The following VSIG10L2 variants were observed in gnomAD, a reference collection of about 807,000 sequenced individuals.
The protein encoded by VSIG10L2 is V-set and immunoglobulin domain-containing protein 10-like 2.
A neutral mutation model predicts 67.1 loss-of-function variants in VSIG10L2; 56 were observed. The observed-to-expected ratio is 0.83, with a 90% CI of 0.67 to 1.04. The LOEUF (loss-of-function observed/expected upper bound fraction) is 1.04. Among genes scored for constraint, VSIG10L2 ranks in the 50% least tolerant of loss-of-function variants. The probability of loss-of-function intolerance (pLI) is 0.00; values close to 1 mark genes in which losing one functional copy is unlikely to be tolerated. For synonymous variants in VSIG10L2, 360 were observed against 396.6 expected (o/e 0.91, Z 1.10); for missense variants, 843 against 932.8 (o/e 0.90, Z 1.25).
intron 4 of VSIG10L2, 22 bp from the exon 5 acceptor site, chr11:125,950,888 C>G: frequency 8.1e-7 from 1 of 1,232,756 alleles, no homozygotes; most frequent in Non-Finnish European, 1.0e-6. Context: ...CCTGCTCCAG[C>G]CTCACCCACT....
At chr11:125,947,533 C>T (rs1945313726) in intron 1 of VSIG10L2, 153 bp from the exon 2 acceptor site, 6 of 985,444 alleles carry the variant, frequency 6.1e-6, no homozygotes, top group Non-Finnish European at 7.2e-6. Flanking sequence ...GTCTCTTGCC[C>T]ACCAACTCCA....
intron 4 of VSIG10L2, 135 bp from the exon 5 acceptor site, chr11:125,950,775 T>C: frequency 1.2e-6 from 1 of 830,856 alleles, no homozygotes; most frequent in Non-Finnish European, 1.6e-6. Context: ...AGAGACTCAA[T>C]CTTTCCCCTA....
intron 4 of VSIG10L2, 101 bp from the exon 5 acceptor site, chr11:125,950,809 C>T: frequency 8.9e-7 from 1 of 1,124,386 alleles, no homozygotes; most frequent in Middle Eastern, 3.3e-4. Flanking sequence ...TGCTCCCCTA[C>T]CCACTGACAC....
rs1425763003 is a variant in VSIG10L2 at position 125,955,964 on chromosome 11, G to C, written c.*50G>C. 1.6e-6 allele frequency: 1 copy of C among 638,476 alleles called. No homozygotes were observed. Among genetic ancestry groups the C allele is most frequent in the Non-Finnish European group, 2.8e-6 (1 of 356,220 alleles). The allele number at this position is 638,476 out of a possible 1,614,324, so 39.6% of individuals were successfully genotyped here. A position where few individuals can be genotyped will look rare whatever the true frequency, so the allele number is the denominator to read the frequency against. ...GGCTTAGGGAGGGCAGGTGGGATTTGGGAAGAGCCCTTCTGTCAGACTTTG... is the reference window on the plus strand; with the variant it reads ...GGCTTAGGGAGGGCAGGTGGGATTTCGGAAGAGCCCTTCTGTCAGACTTTG... On this transcript the variant is annotated 3_prime_UTR_variant, in exon 12 of 12. Transcript: ENST00000686984.
At position 125,948,536 on chromosome 11, in the gene VSIG10L2, C is replaced by T; in HGVS notation, c.665C>T (p.Ser222Phe). ...TGGTACATGTGCAGCGCCAGCAACT[C>T]CGTGAACAGGCTGAGCAGTGACGGG... ...LGWYMCSASNSVNRLSSDGAF... is the reference protein window; with the variant it reads ...LGWYMCSASNFVNRLSSDGAF... Residue 222 changes from serine to phenylalanine, a missense_variant, in exon 3 of 12, where the codon TCC becomes TTC. Physicochemically the swap from Ser to Phe is radical, Grantham distance 155. Transcript: ENST00000686984. 1 of 1,232,238 alleles carries T rather than the reference C, an allele frequency of 8.1e-7. No homozygotes were observed. The allele number at this position is 1,232,238 out of a possible 1,614,324, so 76.3% of individuals were successfully genotyped here.
rs951656623 is a variant in VSIG10L2 at position 125,950,294 on chromosome 11, G to T, written c.985+5G>T. On this transcript the variant is annotated splice_donor_5th_base_variant and intron_variant, in intron 4 of 11. Transcript: ENST00000686984. ...CTGTCCAGCTCACCATCTACTGTGA[G>T]TGTGGGGGTCGGGTGACGCCCAGAC... The T allele has an allele frequency of 2.4e-6, 3 of 1,232,344 alleles. No individual in the cohort carries two copies. The African/African-American group carries it at 4.7e-5, about 19-fold the overall frequency. The allele number at this position is 1,232,344 out of a possible 1,614,324, so 76.3% of individuals were successfully genotyped here.
At chr11:125,948,261 C>G in intron 2 of VSIG10L2, 44 bp from the exon 3 acceptor site, 4 of 1,232,252 alleles carry the variant, frequency 3.2e-6, no homozygotes, top group Non-Finnish European at 4.0e-6. Flanking sequence ...TGGGCGTGTC[C>G]TGGGTCTGTA....
rs1025055634 is a variant in VSIG10L2 at position 125,946,153 on chromosome 11, A to AC, written c.82+22dup. 4.3e-5 allele frequency: 17 copies of AC among 397,698 alleles called. No individual in the cohort carries two copies. The highest frequency in any genetic ancestry group is 2.3e-4 in the African/African-American group (11 of 48,148). 24.6% of individuals were successfully genotyped at this position (397,698 alleles called of 1,614,324 possible). ...AGGGCCTCAGGTGAGTGATACTCAG[A>AC]CCCCCCAGGGGGTTCATTTCCCACT... is the stretch of plus-strand genomic sequence containing the variant. On this transcript the variant is annotated intron_variant, in intron 1 of 11. Coordinates refer to ENST00000686984, the MANE Select transcript of VSIG10L2 (RefSeq NM_001365077.2). The surrounding 1 kb of genome is among the most constrained non-coding windows in gnomAD (Gnocchi z 4.4).
chr11:125,947,562 C>A (rs1326385479), intron 1 of VSIG10L2, 124 bp from the exon 2 acceptor site: 97 of 1,230,774 alleles, frequency 7.9e-5, no homozygotes, highest in Non-Finnish European at 9.8e-5. Flanking sequence ...TTTATGTGGT[C>A]TTCCTGAACC....
In VSIG10L2 at chr11:125,951,883, C is replaced by T. The variant is rs116734250; in HGVS notation, c.1305C>T (p.Cys435=). 3.7e-3 allele frequency: 5,621 copies of T among 1,534,540 alleles called. 24 individuals carry two copies. The highest frequency in any genetic ancestry group is 0.019 in the African/African-American group (1,388 of 73,136). Residue 435 remains cysteine, a synonymous_variant, in exon 6 of 12, where the codon TGC becomes TGT. Coordinates refer to ENST00000686984, the MANE Select transcript of VSIG10L2 (RefSeq NM_001365077.2). ...GGGACCAGTTCATCATGCTGAGCTG[C>T]GAGTGGCCTGGCGGCGAGCCCCCTG... ...TMGDQFIMLS[C]EWPGGEPPAT... is the part of the protein sequence containing the mutation.
rs1175932860 is a variant in VSIG10L2, at chr11:125,947,942, C to A, written c.339C>A (p.His113Gln). 2 of 1,232,208 alleles carry A rather than the reference C, an allele frequency of 1.6e-6. No homozygotes were observed. The highest frequency in any genetic ancestry group is 6.3e-5 in the East Asian group (2 of 31,712). 76.3% of individuals were successfully genotyped at this position (1,232,208 alleles called of 1,614,324 possible). ...GCAGCCTGGTGCTGGGGGAGCTTCACGAGGGTGCCCGTGGCCACTTCCTAT... is the reference window on the plus strand; with the variant it reads ...GCAGCCTGGTGCTGGGGGAGCTTCAAGAGGGTGCCCGTGGCCACTTCCTAT... ...RNSSLVLGEL[H>Q]EGARGHFLCQ... The change falls in exon 2 of 12, where the codon CAC (histidine) becomes CAA (glutamine). Residue 113 changes from histidine (H) to glutamine (Q), a missense_variant. By Grantham distance (24) the His-to-Gln change is conservative. Around this residue, in one of 2 missense-constraint regions of VSIG10L2, gnomAD observed 446 missense variants for 548.4 expected, o/e 0.81. Transcript: ENST00000686984.
chr11:125,955,624 G>T lies in VSIG10L2; in HGVS notation c.2241G>T (p.Arg747Ser). 1 of 1,530,588 alleles carries T rather than the reference G, an allele frequency of 6.5e-7. No individual in the cohort carries two copies. Among genetic ancestry groups the T allele is most frequent in the Non-Finnish European group, 8.7e-7 (1 of 1,144,096 alleles). The allele number at this position is 1,530,588 out of a possible 1,614,324, so 94.8% of individuals were successfully genotyped here. A position where few individuals can be genotyped will look rare whatever the true frequency, so the allele number is the denominator to read the frequency against. ...CCCACTTCACTCTCAGGGAGCAAAG[G>T]CACCAACAGAGGGGTTCCAGAGAAG... is the stretch of plus-strand genomic sequence containing the variant. ...LGQLLVPTEQ[R>S]HQQRGSREDA... Residue 747 changes from arginine (R) to serine (S), a missense_variant, in exon 11 of 12, where the codon AGG becomes AGT. By Grantham distance (110) the Arg-to-Ser change is moderately radical. Coordinates refer to ENST00000686984, the MANE Select transcript of VSIG10L2 (RefSeq NM_001365077.2).
chr11:125,950,798 C>G (rs1945357516), intron 4 of VSIG10L2, 112 bp from the exon 5 acceptor site: 2 of 1,051,718 alleles, frequency 1.9e-6, no homozygotes, highest in Non-Finnish European at 2.4e-6. Context: ...CCACTTCTCC[C>G]TGCTCCCCTA....
rs1945346032 is a variant in VSIG10L2 at position 125,950,080 on chromosome 11, G to A, written c.776G>A (p.Ser259Asn). ...LGLTEEGFWA[S>N]EREEVTLSCL... ...CTCACTGAGGAGGGCTTCTGGGCCA[G>A]TGAGAGGGAAGAGGTGACCCTGAGC... Residue 259 changes from serine to asparagine, a missense_variant, in exon 4 of 12, where the codon AGT becomes AAT. By Grantham distance (46) the Ser-to-Asn change is conservative (BLOSUM62 1). This residue lies in a region of VSIG10L2 where 446 missense variants were observed against 548.4 expected (regional missense o/e 0.81). Coordinates refer to ENST00000686984, the MANE Select transcript of VSIG10L2 (RefSeq NM_001365077.2). 3.2e-6 allele frequency: 4 copies of A among 1,232,422 alleles called. No homozygotes were observed. 76.3% of individuals were successfully genotyped at this position (1,232,422 alleles called of 1,614,324 possible).
rs1945318211 is a variant in VSIG10L2 at position 125,947,882 on chromosome 11, C to T, written c.279C>T (p.Ile93=). The T allele has an allele frequency of 7.3e-6, 9 of 1,232,188 alleles. No homozygotes were observed. Among genetic ancestry groups the T allele is most frequent in the South Asian group, 4.1e-5 (1 of 24,332 alleles). 76.3% of individuals were successfully genotyped at this position (1,232,188 alleles called of 1,614,324 possible). ...TDGAMSKVEA[I]ASALGVVSLR... is the part of the protein sequence containing the mutation. Reference sequence around the variant, plus strand: ...GAGCCATGTCCAAGGTGGAGGCCATCGCCTCGGCTCTGGGAGTCGTGAGTC... The same window carrying T: ...GAGCCATGTCCAAGGTGGAGGCCATTGCCTCGGCTCTGGGAGTCGTGAGTC... Residue 93 remains isoleucine, a synonymous_variant, in exon 2 of 12, where the codon ATC becomes ATT. Coordinates refer to ENST00000686984, the MANE Select transcript of VSIG10L2 (RefSeq NM_001365077.2).
Position 125,950,916 on chromosome 11 carries a change from CT to C in VSIG10L2, c.993del (p.Glu332ArgfsTer15), listed in dbSNP as rs1437098586. On this transcript the variant is annotated frameshift_variant, in exon 5 of 12. Transcript: ENST00000686984. LOFTEE classifies it high-confidence loss of function. ...CACCCACTTCCCCATCCAGATCCCCCTGAGGGACAGCCCTCCTGTGCAGTGC... is the reference window on the plus strand; with the variant it reads ...CACCCACTTCCCCATCCAGATCCCCCGAGGGACAGCCCTCCTGTGCAGTGC... The part of the protein sequence containing the change: ...TTVQLTIYYP[P>X]EGQPSCAVHP... The C allele has an allele frequency of 1.6e-6, 2 of 1,232,540 alleles. No individual in the cohort carries two copies. The highest frequency in any genetic ancestry group is 3.1e-5 in the African/African-American group (2 of 64,436). 76.4% of individuals were successfully genotyped at this position (1,232,540 alleles called of 1,614,324 possible). A position where few individuals can be genotyped will look rare whatever the true frequency, so the allele number is the denominator to read the frequency against.
At chr11:125,951,340 CCA>C (rs1445710833) in intron 5 of VSIG10L2, among the ~76,000 whole-genome samples, 182 bp downstream of exon 5, 2 of 152,164 alleles carry the variant, frequency 1.3e-5, no homozygotes, top group East Asian at 3.9e-4. Flanking sequence ...TCTTTCCCAT[CCA>C]CACTGTGCTC....
rs1945307834 is a variant in VSIG10L2, at chr11:125,946,817, C to T, written c.82+680C>T. ...CCTCCCAGAGTGCTGGGATTACAGGCCTGAGCCACTGAGCCCGGCCCCAGA... is the reference window on the plus strand; with the variant it reads ...CCTCCCAGAGTGCTGGGATTACAGGTCTGAGCCACTGAGCCCGGCCCCAGA... On this transcript the variant is annotated intron_variant, in intron 1 of 11. Transcript: ENST00000686984. This position sits in a 1 kb window ranked among gnomAD's most constrained non-coding sequence, Gnocchi z 4.4. 1.3e-5 allele frequency among the ~76,000 whole-genome samples: 2 copies of T among 152,182 alleles called. No individual in the cohort carries two copies.
At position 125,954,206 on chromosome 11, in the gene VSIG10L2, C is replaced by T. The variant is rs535733885; in HGVS notation, c.1906C>T (p.Arg636Trp). The change falls in exon 8 of 12, where the codon CGG becomes TGG. Residue 636 changes from arginine (R) to tryptophan (W), a missense_variant. Transcript: ENST00000686984. ...PGNLTGFLVQ[R>W]KASALGPGAG... ...GAACCTGACGGGCTTCCTGGTGCAG[C>T]GGAAGGCCAGTGCCCTGGGCCCAGG... is the stretch of plus-strand genomic sequence containing the variant. 310 of 1,232,176 alleles carry T rather than the reference C, an allele frequency of 2.5e-4. 1 individual carries two copies. In the African/African-American group the frequency reaches 2.7e-3, roughly 11 times the overall value. 76.3% of individuals were successfully genotyped at this position (1,232,176 alleles called of 1,614,324 possible). A position where few individuals can be genotyped will look rare whatever the true frequency, so the allele number is the denominator to read the frequency against.
Sources: allele counts gnomAD v4.1 joint callset (sites outside exome capture counted in the v4.1 genomes callset), GRCh38; gene constraint gnomAD v4.1.1; regional missense constraint gnomAD v4.1.1; non-coding constraint Gnocchi (gnomAD v3.1); transcripts MANE v1.5; gene names NCBI Gene and HGNC (gene_info 2026-07-23, HGNC 2026-07-21).